CDK14: variants seen among roughly 807,000 people sequenced by gnomAD.
CDK14 encodes cyclin dependent kinase 14.
In CDK14, 34 loss-of-function variants were observed where a neutral mutation model predicts 60.7. The ratio of observed to expected loss-of-function variants is 0.56; its 90% CI spans 0.43 to 0.75. CDK14 has a LOEUF of 0.75. Ranked by LOEUF, CDK14 falls within the 30% of genes least tolerant of loss-of-function variation. The pLI is 0.00. For synonymous variants in CDK14, 197 were observed against 203.7 expected (o/e 0.97, Z 0.28); for missense variants, 482 against 564.1 (o/e 0.85, Z 1.47).
chr7:91,181,240 C>T (rs1050190380), intron 14 of CDK14, among the ~76,000 whole-genome samples: 2 of 152,032 alleles, frequency 1.3e-5, no homozygotes, highest in Non-Finnish European at 1.5e-5. Context: ...CTCTATTCAC[C>T]TTTCTTTCTT....
chr7:91,059,355 G>A (rs1187720088), intron 11 of CDK14, among the ~76,000 whole-genome samples: 1 of 152,080 alleles, frequency 6.6e-6, no homozygotes, highest in South Asian at 2.1e-4. Context: ...CAAAAAACCA[G>A]CTCCTGGATT....
intron 3 of CDK14, among the ~76,000 whole-genome samples, chr7:90,745,365 T>C (rs1803549818): frequency 6.6e-6 from 1 of 152,232 alleles, no homozygotes; most frequent in Non-Finnish European, 1.5e-5. Context: ...ATTTTGAAAA[T>C]ATTGCTTAAC....
chr7:90,928,605 T>C (rs557847034), intron 8 of CDK14, among the ~76,000 whole-genome samples: 10 of 152,308 alleles, frequency 6.6e-5, no homozygotes, highest in Non-Finnish European at 1.0e-4. Context: ...GAGGGGTACC[T>C]GGCTGTATGA....
intron 2 of CDK14, among the ~76,000 whole-genome samples, chr7:90,700,274 A>G (rs2116612263): frequency 6.6e-6 from 1 of 152,206 alleles, no homozygotes; most frequent in African/African-American, 2.4e-5. Context: ...TTGTATTTTT[A>G]GTAGAGACGG....
intron 5 of CDK14, among the ~76,000 whole-genome samples, chr7:90,862,766 A>G (rs927032856): frequency 6.6e-6 from 1 of 152,212 alleles, no homozygotes; most frequent in South Asian, 2.1e-4. Flanking sequence ...ATAATAAACT[A>G]TACAAATTTA....
At chr7:91,019,740 C>T (rs1796389581) in intron 10 of CDK14, among the ~76,000 whole-genome samples, 1 of 152,064 alleles carries the variant, frequency 6.6e-6, no homozygotes, top group Non-Finnish European at 1.5e-5. Flanking sequence ...ATCCTATGAC[C>T]AACAAAGGGA....
intron 3 of CDK14, among the ~76,000 whole-genome samples, chr7:90,727,629 T>C (rs937166469): frequency 4.6e-5 from 7 of 152,166 alleles, no homozygotes; most frequent in Admixed American, 6.6e-5. Context: ...CTTCATTTTC[T>C]TAGTTGTCAT....
At chr7:90,908,586 A>G (rs369705750) in intron 7 of CDK14, among the ~76,000 whole-genome samples, 15 of 151,538 alleles carry the variant, frequency 9.9e-5, no homozygotes, top group African/African-American at 3.7e-4. Flanking sequence ...TTTAAGATGG[A>G]TCTGCACACG....
intron 14 of CDK14, among the ~76,000 whole-genome samples, chr7:91,149,396 C>T (rs1448692379): frequency 6.6e-6 from 1 of 152,128 alleles, no homozygotes; most frequent in African/African-American, 2.4e-5. Context: ...ACCCCATCCT[C>T]CCATGCAGGC....
chr7:90,619,844 A>G (rs1250436349), intron 2 of CDK14, among the ~76,000 whole-genome samples: 1 of 152,186 alleles, frequency 6.6e-6, no homozygotes, highest in African/African-American at 2.4e-5. Context: ...AAAAAATACA[A>G]AAGTTAGCTG....
intron 11 of CDK14, among the ~76,000 whole-genome samples, chr7:91,058,681 G>T (rs1797668918): frequency 6.6e-6 from 1 of 152,126 alleles, no homozygotes; most frequent in Non-Finnish European, 1.5e-5. Context: ...TTTGTCATTG[G>T]TTCTGTTTAT....
At chr7:91,091,517 A>ATATATAT (rs1562900714) in intron 12 of CDK14, among the ~76,000 whole-genome samples, 2 of 141,394 alleles carry the variant, frequency 1.4e-5, no homozygotes, top group Admixed American at 7.2e-5. Flanking sequence ...ATATATATAT[A>ATATATAT]AATTAGCCAG....
chr7:90,599,254 C>T (rs552907553), intron 1 of CDK14, among the ~76,000 whole-genome samples: 2 of 152,314 alleles, frequency 1.3e-5, no homozygotes, highest in South Asian at 2.1e-4. Flanking sequence ...AGTAAACGTT[C>T]AAGATATGTT....
At chr7:90,667,723 C>T (rs1329933466) in intron 2 of CDK14, among the ~76,000 whole-genome samples, 2 of 152,130 alleles carry the variant, frequency 1.3e-5, no homozygotes, top group African/African-American at 4.8e-5. Flanking sequence ...GCGCCTGCCA[C>T]CACGCCCGGC....
chr7:90,777,758 A>T (rs944053263), intron 4 of CDK14, among the ~76,000 whole-genome samples: 1 of 152,206 alleles, frequency 6.6e-6, no homozygotes, highest in Non-Finnish European at 1.5e-5. Context: ...GACTGCCAGG[A>T]TGGAATCCTC....
At chr7:90,961,145 A>G (rs1003758259) in intron 9 of CDK14, among the ~76,000 whole-genome samples, 3 of 152,136 alleles carry the variant, frequency 2.0e-5, no homozygotes, top group African/African-American at 7.2e-5. Flanking sequence ...TTTATTTAAA[A>G]TTTGGTCTTT....
At chr7:91,129,570 T>C (rs1276378975) in intron 14 of CDK14, among the ~76,000 whole-genome samples, 1 of 152,186 alleles carries the variant, frequency 6.6e-6, no homozygotes, top group African/African-American at 2.4e-5. Flanking sequence ...TCCAGGCATA[T>C]GGTTTTTACT....
intron 2 of CDK14, among the ~76,000 whole-genome samples, chr7:90,656,383 C>CTTTTTT (rs5885737): frequency 7.2e-6 from 1 of 139,554 alleles, no homozygotes; most frequent in African/African-American, 2.7e-5. Context: ...TTCTTTCTTT[C>CTTTTTT]TTTTTTTTTT....
chr7:90,620,285 TGACTG>T, intron 2 of CDK14, among the ~76,000 whole-genome samples: 1 of 152,354 alleles, frequency 6.6e-6, no homozygotes, highest in East Asian at 1.9e-4. Context: ...TTAACTCAGT[TGACTG>T]GGCTGGGTAT....
Sources: allele counts gnomAD v4.1 joint callset (sites outside exome capture counted in the v4.1 genomes callset), GRCh38; gene constraint gnomAD v4.1.1; transcripts MANE v1.5; gene names NCBI Gene and HGNC (gene_info 2026-07-23, HGNC 2026-07-21).